Variants in EGFLAM observed in about 807,000 individuals in gnomAD.
EGFLAM encodes the protein pikachurin.
In EGFLAM, 79 loss-of-function variants were observed where a neutral mutation model predicts 113.1. That is an observed-to-expected ratio of 0.70 (90% CI 0.58 to 0.84). The LOEUF is 0.84. EGFLAM is among the 40% of genes least tolerant of loss of function. EGFLAM has a pLI of 0.00. For missense variants in EGFLAM, 1,265 were observed against 1,291.6 expected (o/e 0.98, Z 0.32); for synonymous variants, 504 against 487.6 (o/e 1.03, Z -0.44).
At chr5:38,389,338 C>A (rs557405233) in intron 6 of EGFLAM, among the ~76,000 whole-genome samples, 16 of 152,286 alleles carry the variant, frequency 1.1e-4, no homozygotes, top group African/African-American at 3.8e-4. Flanking sequence ...CACAGCTCAA[C>A]GTGATTTTTC....
intron 5 of EGFLAM, among the ~76,000 whole-genome samples, chr5:38,358,665 G>A (rs555644630): frequency 1.3e-5 from 2 of 152,128 alleles, no homozygotes; most frequent in Non-Finnish European, 2.9e-5. Flanking sequence ...CTCTGAAGGC[G>A]CTCTCAGTAA....
chr5:38,403,917 A>T, intron 6 of EGFLAM: 1 of 1,613,732 alleles, frequency 6.2e-7, no homozygotes, highest in Middle Eastern at 1.7e-4. Context: ...CGACAGGTTG[A>T]ATTTTCAGTT....
chr5:38,356,109 A>G (rs941096940), intron 5 of EGFLAM, among the ~76,000 whole-genome samples: 8 of 152,152 alleles, frequency 5.3e-5, no homozygotes, highest in Non-Finnish European at 4.4e-5. Context: ...CTGCTAATAT[A>G]TATTTATCTC....
chr5:38,362,588 A>G (rs1385347271), intron 5 of EGFLAM, among the ~76,000 whole-genome samples: 1 of 152,348 alleles, frequency 6.6e-6, no homozygotes, highest in South Asian at 2.1e-4. Context: ...ACCATCAGCA[A>G]TAGAATTAGA....
At chr5:38,379,859 G>A (rs1259670596) in intron 6 of EGFLAM, among the ~76,000 whole-genome samples, 1 of 151,254 alleles carries the variant, frequency 6.6e-6, no homozygotes, top group African/African-American at 2.4e-5. Context: ...AAGCTCTAGA[G>A]TTACAGTATC....
chr5:38,370,590 C>A, intron 6 of EGFLAM, 128 bp downstream of exon 6: 1 of 1,231,616 alleles, frequency 8.1e-7, no homozygotes, highest in Non-Finnish European at 1.1e-6. Context: ...GGCTTTCCTC[C>A]TGTGGTTTTC....
chr5:38,274,698 G>T (rs1470900904), intron 1 of EGFLAM, among the ~76,000 whole-genome samples: 1 of 152,238 alleles, frequency 6.6e-6, no homozygotes, highest in Admixed American at 6.5e-5. Flanking sequence ...TACAAGAAAT[G>T]CTAAAGGGAG....
At chr5:38,276,270 A>G (rs13167149) in intron 1 of EGFLAM, among the ~76,000 whole-genome samples, 62,990 of 152,070 alleles carry the variant, frequency 0.41, 13,584 homozygotes, top group Middle Eastern at 0.58. Flanking sequence ...ATTATCTCCC[A>G]CTGGGCCCCT....
At chr5:38,396,909 G>A (rs183141316) in intron 6 of EGFLAM, among the ~76,000 whole-genome samples, 27 of 152,142 alleles carry the variant, frequency 1.8e-4, no homozygotes, top group African/African-American at 6.3e-4. Flanking sequence ...GACTTTCCAC[G>A]GCCCCGTTAT....
intron 1 of EGFLAM, chr5:38,291,069 G>C (rs971550846): frequency 6.6e-6 from 1 of 151,352 alleles, no homozygotes; most frequent in Non-Finnish European, 1.5e-5. Context: ...CTGACAGAGC[G>C]AGACTCCGTC....
At chr5:38,378,522 A>G (rs1477694133) in intron 6 of EGFLAM, among the ~76,000 whole-genome samples, 1 of 152,212 alleles carries the variant, frequency 6.6e-6, no homozygotes, top group African/African-American at 2.4e-5. Flanking sequence ...AGGTAGTGGC[A>G]TGTTCTGGGG....
intron 11 of EGFLAM, among the ~76,000 whole-genome samples, chr5:38,416,316 C>T (rs768860906): frequency 5.3e-5 from 8 of 152,092 alleles, no homozygotes; most frequent in Non-Finnish European, 7.4e-5. Flanking sequence ...AGAGAGGAGA[C>T]GGACAGGGAA....
At chr5:38,285,984 A>G (rs993150805) in intron 1 of EGFLAM, 5 of 152,158 alleles carry the variant, frequency 3.3e-5, no homozygotes, top group African/African-American at 1.2e-4. Context: ...TTTGCTCACC[A>G]TGATTTAGTT....
chr5:38,435,806 C>CTTTTT (rs60461690), intron 16 of EGFLAM, among the ~76,000 whole-genome samples: 25 of 88,926 alleles, frequency 2.8e-4, no homozygotes, highest in African/African-American at 3.8e-4. Flanking sequence ...CCGGCTCTCT[C>CTTTTT]TTTTTTTTTT....
intron 17 of EGFLAM, among the ~76,000 whole-genome samples, chr5:38,447,021 A>C (rs1180223117): frequency 6.6e-6 from 1 of 151,990 alleles, no homozygotes; most frequent in Non-Finnish European, 1.5e-5. Flanking sequence ...CATTTTGTAC[A>C]TTTCTTTGAA....
At chr5:38,365,897 A>T (rs976065542) in intron 5 of EGFLAM, among the ~76,000 whole-genome samples, 1 of 152,050 alleles carries the variant, frequency 6.6e-6, no homozygotes, top group Non-Finnish European at 1.5e-5. Flanking sequence ...CTGATTGAGG[A>T]CCACCCAGTT....
At chr5:38,261,430 G>A (rs953004370) in intron 1 of EGFLAM, among the ~76,000 whole-genome samples, 1 of 152,212 alleles carries the variant, frequency 6.6e-6, no homozygotes, top group African/African-American at 2.4e-5. Flanking sequence ...CTGGGAGATG[G>A]GGACTATTAT....
chr5:38,342,731 G>T (rs1009643506), intron 3 of EGFLAM, among the ~76,000 whole-genome samples: 1 of 151,980 alleles, frequency 6.6e-6, no homozygotes, highest in Non-Finnish European at 1.5e-5. Context: ...TTAGGGTGGT[G>T]GTCTTTACAC....
intron 12 of EGFLAM, among the ~76,000 whole-genome samples, chr5:38,424,557 G>A (rs188161187): frequency 6.6e-6 from 1 of 152,246 alleles, no homozygotes; most frequent in East Asian, 1.9e-4. Context: ...AAGCTAATTG[G>A]GGTCATGCAA....
Sources: gnomAD v4.1 joint callset for allele counts (sites outside exome capture counted in the v4.1 genomes callset) on GRCh38, gnomAD v4.1.1 for gene constraint, MANE v1.5 for transcripts, NCBI Gene and HGNC (gene_info 2026-07-23, HGNC 2026-07-21) for gene names.